Variants in SIPA1L1 observed in about 807,000 individuals in gnomAD.
The protein encoded by SIPA1L1 is signal induced proliferation associated 1 like 1, also known as signal-induced proliferation-associated 1-like protein 1.
A neutral mutation model predicts 162.7 loss-of-function variants in SIPA1L1; 26 were observed. That is an observed-to-expected ratio of 0.16 (90% confidence interval 0.12 to 0.22). The LOEUF (loss-of-function observed/expected upper bound fraction) is 0.22, where lower values mean the gene tolerates loss of function less well. SIPA1L1 is among the 10% of genes least tolerant of loss of function. The pLI is 1.00. For synonymous variants in SIPA1L1, 829 were observed against 837.4 expected (o/e 0.99, Z 0.17); for missense variants, 1,874 against 2,241.0 (o/e 0.84, Z 3.31).
At chr14:71,461,362 C>T (rs1180722054) in intron 2 of SIPA1L1, among the ~76,000 whole-genome samples, 1 of 152,182 alleles carries the variant, frequency 6.6e-6, no homozygotes, top group African/African-American at 2.4e-5. Context: ...TATGTAACCT[C>T]CATCTCTGCC....
chr14:71,421,480 T>A (rs1595376433), intron 2 of SIPA1L1, among the ~76,000 whole-genome samples: 1 of 152,126 alleles, frequency 6.6e-6, no homozygotes, highest in African/African-American at 2.4e-5. Context: ...TTGCTTGTAG[T>A]CCCAGCTTCT....
At chr14:71,480,085 T>C (rs1311791410) in intron 2 of SIPA1L1, among the ~76,000 whole-genome samples, 1 of 150,460 alleles carries the variant, frequency 6.6e-6, no homozygotes, top group Non-Finnish European at 1.5e-5. Flanking sequence ...TTTTTTTGTT[T>C]TTTGTTTTTT....
At chr14:71,498,003 T>G (rs1213673671) in intron 2 of SIPA1L1, 2 of 152,262 alleles carry the variant, frequency 1.3e-5, no homozygotes, top group Admixed American at 6.5e-5. Context: ...CTACATGGTA[T>G]TGCCAGCATT....
At chr14:71,362,856 CTG>C (rs886519321) in intron 2 of SIPA1L1, among the ~76,000 whole-genome samples, 39 of 152,276 alleles carry the variant, frequency 2.6e-4, no homozygotes, top group African/African-American at 8.2e-4. Flanking sequence ...TTGCAGGAGT[CTG>C]GAGTTTCTCA....
At chr14:71,623,680 G>A (rs145294108) in intron 6 of SIPA1L1, among the ~76,000 whole-genome samples, 388 of 152,228 alleles carry the variant, frequency 2.5e-3, no homozygotes, top group Non-Finnish European at 4.6e-3. Flanking sequence ...TTCAGACATT[G>A]CTCTGGGGTT....
intron 2 of SIPA1L1, among the ~76,000 whole-genome samples, chr14:71,512,101 A>G (rs192775051): frequency 6.6e-6 from 1 of 152,236 alleles, no homozygotes; most frequent in East Asian, 1.9e-4. Context: ...CTCCCACGCA[A>G]TTTATTTTCT....
chr14:71,391,221 C>T (rs1240133641), intron 2 of SIPA1L1, among the ~76,000 whole-genome samples: 1 of 151,324 alleles, frequency 6.6e-6, no homozygotes, highest in African/African-American at 2.4e-5. Flanking sequence ...ATTCTTCTGC[C>T]TCAGCCTCCC....
At chr14:71,720,110 A>G (rs2083584660) in intron 17 of SIPA1L1, among the ~76,000 whole-genome samples, 1 of 152,106 alleles carries the variant, frequency 6.6e-6, no homozygotes, top group Admixed American at 6.5e-5. Flanking sequence ...TGATTAATAT[A>G]TGCCTTGAAG....
chr14:71,720,972 G>T (rs2083670441), intron 17 of SIPA1L1, among the ~76,000 whole-genome samples: 1 of 152,114 alleles, frequency 6.6e-6, no homozygotes, highest in Non-Finnish European at 1.5e-5. Flanking sequence ...ATTTGATGAG[G>T]TTATGTCTTC....
At chr14:71,472,127 C>T (rs1404753581) in intron 2 of SIPA1L1, among the ~76,000 whole-genome samples, 1 of 152,212 alleles carries the variant, frequency 6.6e-6, no homozygotes, top group African/African-American at 2.4e-5. Context: ...GCCCACCACC[C>T]TCACTGCTTT....
chr14:71,327,193 C>T (rs545414293), intron 2 of SIPA1L1, among the ~76,000 whole-genome samples: 1 of 151,642 alleles, frequency 6.6e-6, no homozygotes, highest in Non-Finnish European at 1.5e-5. Flanking sequence ...AGCGATTCTC[C>T]TGCAACAGCC....
intron 4 of SIPA1L1, among the ~76,000 whole-genome samples, chr14:71,580,055 T>G (rs1301384188): frequency 6.6e-6 from 1 of 152,232 alleles, no homozygotes; most frequent in Admixed American, 6.5e-5. Flanking sequence ...GATTCTCTGC[T>G]GCGTTTTTTA....
chr14:71,655,479 G>A (rs960794459), intron 8 of SIPA1L1, among the ~76,000 whole-genome samples: 2 of 152,102 alleles, frequency 1.3e-5, no homozygotes, highest in Non-Finnish European at 2.9e-5. Context: ...CCTTTGAGTA[G>A]ATACCCAGTA....
intron 4 of SIPA1L1, among the ~76,000 whole-genome samples, chr14:71,539,338 A>G (rs982172567): frequency 6.6e-5 from 10 of 152,158 alleles, no homozygotes; most frequent in Non-Finnish European, 1.5e-4. Flanking sequence ...TCACTACATG[A>G]TCTCCATTGG....
At chr14:71,417,569 A>ATCCTCAT (rs2042897238) in intron 2 of SIPA1L1, among the ~76,000 whole-genome samples, 1 of 146,822 alleles carries the variant, frequency 6.8e-6, no homozygotes, top group Non-Finnish European at 1.5e-5. Context: ...AAAGGTCTTT[A>ATCCTCAT]TCCTCATTGT....
intron 2 of SIPA1L1, among the ~76,000 whole-genome samples, chr14:71,512,504 T>A (rs1428845447): frequency 2.6e-5 from 4 of 151,450 alleles, no homozygotes; most frequent in Middle Eastern, 3.2e-3. Context: ...GGAGAATTGC[T>A]TGAACCCAGG....
chr14:71,414,059 T>C (rs1378208614), intron 2 of SIPA1L1: 1 of 152,060 alleles, frequency 6.6e-6, no homozygotes, highest in Non-Finnish European at 1.5e-5. Flanking sequence ...AGGGAGGAAA[T>C]GTCACTCAAA....
At chr14:71,337,901 G>A (rs2035258132) in intron 2 of SIPA1L1, among the ~76,000 whole-genome samples, 2 of 152,144 alleles carry the variant, frequency 1.3e-5, no homozygotes, top group African/African-American at 2.4e-5. Context: ...AGCAGAGATA[G>A]TGCCACTGCA....
chr14:71,635,947 A>G (rs549363726), intron 7 of SIPA1L1, among the ~76,000 whole-genome samples: 19 of 152,322 alleles, frequency 1.2e-4, no homozygotes, highest in African/African-American at 4.6e-4. Flanking sequence ...CTTCAGAGCA[A>G]AGAAAGTTAA....
Sources: gnomAD v4.1 joint callset for allele counts (sites outside exome capture counted in the v4.1 genomes callset) on GRCh38, gnomAD v4.1.1 for gene constraint, MANE v1.5 for transcripts, NCBI Gene and HGNC (gene_info 2026-07-23, HGNC 2026-07-21) for gene names.